CSMD1: variants seen among roughly 807,000 people sequenced by gnomAD.
CSMD1 encodes the protein CUB and sushi domain-containing protein 1.
CSMD1 carries 213 observed loss-of-function variants against 417.5 expected under a neutral mutation model. That is an observed-to-expected ratio of 0.51 (90% confidence interval 0.46 to 0.57). The LOEUF is 0.57. CSMD1 is among the 20% of genes least tolerant of loss of function. CSMD1 has a pLI of 0.00. For synonymous variants in CSMD1, 2,862 were observed against 1,736.8 expected (o/e 1.65, Z -16.11); for missense variants, 6,923 against 4,529.7 (o/e 1.53, Z -15.17).
At chr8:4,196,785 G>A (rs1799364709) in intron 3 of CSMD1, among the ~76,000 whole-genome samples, 2 of 151,968 alleles carry the variant, frequency 1.3e-5, no homozygotes, top group African/African-American at 4.8e-5. Flanking sequence ...TTCCCATAAA[G>A]CAACCTATTC....
chr8:3,915,478 T>C (rs1048683638), intron 5 of CSMD1, among the ~76,000 whole-genome samples: 1 of 149,630 alleles, frequency 6.7e-6, no homozygotes, highest in Non-Finnish European at 1.5e-5. Flanking sequence ...TTCAGGGAAG[T>C]GCAGGAAAGG....
intron 1 of CSMD1, among the ~76,000 whole-genome samples, chr8:4,764,042 G>T (rs919177852): frequency 6.6e-6 from 1 of 152,124 alleles, no homozygotes; most frequent in African/African-American, 2.4e-5. Flanking sequence ...AGATGCCCAT[G>T]AATTACGCTG....
chr8:4,449,379 T>A lies in CSMD1; in HGVS notation c.303-29314A>T, dbSNP rs558410874. ...CTTTTTTTCCAGAATGATTCTGGTG[T>A]ATAACATAAGAGATACTGTGGCTAT... On this transcript the variant is annotated intron_variant, in intron 2 of 69. Transcript: ENST00000635120. Among the ~76,000 whole-genome samples the A allele has an allele frequency of 6.6e-5, 10 of 152,340 alleles. No homozygotes were observed. The East Asian group carries it at 9.7e-4, about 15-fold the overall frequency.
At position 4,663,465 on chromosome 8, in the gene CSMD1, G is replaced by T. The variant is rs184047627; in HGVS notation, c.86-25907C>A. ...TAGTAACCCTGAATATTGGAGGAGG[G>T]GCCTGGTGGGAGGTGATTGAATCAT... On this transcript the variant is annotated intron_variant, in intron 1 of 69. Coordinates refer to ENST00000635120, the MANE Select transcript of CSMD1 (RefSeq NM_033225.6). 1.8e-3 allele frequency among the ~76,000 whole-genome samples: 279 copies of T among 152,220 alleles called. 1 individual carries two copies. The highest frequency in any genetic ancestry group is 6.5e-3 in the African/African-American group (271 of 41,532).
At chr8:4,977,133 G>A (rs1055800065) in intron 1 of CSMD1, among the ~76,000 whole-genome samples, 3 of 152,120 alleles carry the variant, frequency 2.0e-5, no homozygotes, top group Non-Finnish European at 2.9e-5. Context: ...GCCTTAAAAT[G>A]TTCCTATAGT....
chr8:3,150,594 A>G (rs1309424040), intron 40 of CSMD1, among the ~76,000 whole-genome samples: 6 of 152,176 alleles, frequency 3.9e-5, no homozygotes, highest in African/African-American at 1.2e-4. Flanking sequence ...TCATTCATTC[A>G]TTCATTCATC....
chr8:3,661,552 G>A (rs1027324102), intron 7 of CSMD1, among the ~76,000 whole-genome samples: 6 of 151,916 alleles, frequency 3.9e-5, no homozygotes, highest in South Asian at 2.1e-4. Flanking sequence ...GCTGCAGTGC[G>A]GTGGCACAAT....
At chr8:4,955,853 A>T (rs1403626852) in intron 1 of CSMD1, among the ~76,000 whole-genome samples, 1 of 146,936 alleles carries the variant, frequency 6.8e-6, no homozygotes. Context: ...AAACACTGCC[A>T]ATCAGTATCT....
At chr8:4,815,536 A>G (rs1029385128) in intron 1 of CSMD1, among the ~76,000 whole-genome samples, 3 of 151,960 alleles carry the variant, frequency 2.0e-5, no homozygotes, top group African/African-American at 7.3e-5. Context: ...TCTCTACTGA[A>G]AATACAAAAA....
At chr8:4,787,375 A>T in intron 1 of CSMD1, 4 of 729,826 alleles carry the variant, frequency 5.5e-6, no homozygotes, top group Non-Finnish European at 7.5e-6. Context: ...AAATTGTATG[A>T]GGGTAAAACA....
intron 3 of CSMD1, among the ~76,000 whole-genome samples, chr8:4,198,622 G>C (rs970702550): frequency 6.6e-6 from 1 of 152,066 alleles, no homozygotes; most frequent in Non-Finnish European, 1.5e-5. Context: ...TAAGCATATA[G>C]ATCGATGGAT....
At chr8:3,660,592 C>A (rs1362602206) in intron 7 of CSMD1, among the ~76,000 whole-genome samples, 2 of 137,846 alleles carry the variant, frequency 1.5e-5, no homozygotes, top group African/African-American at 2.7e-5. Context: ...GCAATCTCAG[C>A]TCACTGCACC....
At chr8:4,177,037 C>A (rs1468115289) in intron 3 of CSMD1, among the ~76,000 whole-genome samples, 3 of 152,268 alleles carry the variant, frequency 2.0e-5, no homozygotes, top group Admixed American at 2.0e-4. Context: ...AGAAAGTCAA[C>A]AAGGATATCC....
At chr8:4,735,266 T>G (rs1014186829) in intron 1 of CSMD1, among the ~76,000 whole-genome samples, 2 of 151,998 alleles carry the variant, frequency 1.3e-5, no homozygotes, top group Admixed American at 6.6e-5. Flanking sequence ...AAGCCTAAGG[T>G]CTTCTCATTT....
At chr8:3,322,488 T>G (rs998886288) in intron 23 of CSMD1, among the ~76,000 whole-genome samples, 3 of 152,172 alleles carry the variant, frequency 2.0e-5, no homozygotes, top group African/African-American at 7.2e-5. Context: ...TAAATTGCCT[T>G]AAGGGTTCTG....
At chr8:3,704,766 C>G (rs1427537005) in intron 7 of CSMD1, 1 of 152,196 alleles carries the variant, frequency 6.6e-6, no homozygotes, top group Non-Finnish European at 1.5e-5. Context: ...TATCAAACTG[C>G]AAGTTTCCTG....
intron 2 of CSMD1, among the ~76,000 whole-genome samples, chr8:4,446,767 G>GTGTC (rs1798832004): frequency 9.8e-6 from 1 of 101,894 alleles, no homozygotes; most frequent in African/African-American, 4.9e-5. Flanking sequence ...GTGTGTGTGT[G>GTGTC]TGTGTGTGTG....
chr8:3,303,970 T>A (rs1804613397), intron 25 of CSMD1, among the ~76,000 whole-genome samples: 1 of 142,894 alleles, frequency 7.0e-6, no homozygotes, highest in South Asian at 2.3e-4. Context: ...TATTTTGGGG[T>A]ATTCGATTAC....
chr8:4,046,129 A>G (rs1286059843), intron 3 of CSMD1, among the ~76,000 whole-genome samples: 1 of 152,058 alleles, frequency 6.6e-6, no homozygotes, highest in Non-Finnish European at 1.5e-5. Context: ...TATATATCTG[A>G]TATATATGTA....
Sources: gnomAD v4.1 joint callset for allele counts (sites outside exome capture counted in the v4.1 genomes callset) on GRCh38, gnomAD v4.1.1 for gene constraint, MANE v1.5 for transcripts, NCBI Gene and HGNC (gene_info 2026-07-23, HGNC 2026-07-21) for gene names.